The following DMD variants were observed in gnomAD, a reference collection of about 807,000 sequenced individuals.
DMD encodes the protein mutant dystrophin.
In DMD, 63 loss-of-function variants were observed where a neutral mutation model predicts 330.1. That is an observed-to-expected ratio of 0.19 (90% CI 0.16 to 0.24). DMD has a LOEUF of 0.24. Among genes scored for constraint, DMD ranks in the 10% least tolerant of loss-of-function variants. The pLI, the probability that DMD is intolerant of heterozygous loss-of-function variation, is 1.00. For synonymous variants in DMD, 1,223 were observed against 959.8 expected (o/e 1.27, Z -5.07); for missense variants, 3,344 against 2,684.1 (o/e 1.25, Z -5.43).
chrX:32,898,992 T>TA (rs1244656923), intron 2 of DMD, among the ~76,000 whole-genome samples: 2 of 111,570 alleles, frequency 1.8e-5, no homozygotes, highest in South Asian at 3.7e-4. Flanking sequence ...CATGCACACA[T>TA]AAAAAAAAGT....
intron 50 of DMD, among the ~76,000 whole-genome samples, chrX:31,796,874 T>G (rs1220842798): frequency 9.0e-6 from 1 of 110,704 alleles, no homozygotes; most frequent in Non-Finnish European, 1.9e-5. Flanking sequence ...GCACTTCCCC[T>G]CTCTCTCTTG....
chrX:31,712,416 C>T (rs1053484847), intron 52 of DMD, among the ~76,000 whole-genome samples: 1 of 111,857 alleles, frequency 8.9e-6, no homozygotes, highest in African/African-American at 3.2e-5. Flanking sequence ...CAGCCAGCCT[C>T]TTTGATAATC....
chrX:32,938,333 G>A (rs181218616), intron 2 of DMD, among the ~76,000 whole-genome samples: 5 of 111,807 alleles, frequency 4.5e-5, no homozygotes, highest in African/African-American at 1.6e-4. Flanking sequence ...AAAATAACCT[G>A]TGATAGTCCA....
intron 29 of DMD, among the ~76,000 whole-genome samples, chrX:32,430,219 T>C (rs1204468396): frequency 8.9e-6 from 1 of 111,901 alleles, no homozygotes; most frequent in Non-Finnish European, 1.9e-5. Context: ...ATCTCACCTC[T>C]AGCTGCTAAT....
chrX:32,536,798 A>G (rs192489087), intron 17 of DMD, among the ~76,000 whole-genome samples: 2 of 111,543 alleles, frequency 1.8e-5, no homozygotes, highest in Admixed American at 1.9e-4. Context: ...GTGAAGCTGG[A>G]GAGGTAGGCA....
intron 51 of DMD, among the ~76,000 whole-genome samples, chrX:31,760,833 G>T (rs1226421181): frequency 1.8e-5 from 2 of 108,347 alleles, no homozygotes; most frequent in Non-Finnish European, 3.8e-5. Context: ...GGTAAAAAAA[G>T]ATTTACTCTC....
intron 55 of DMD, among the ~76,000 whole-genome samples, chrX:31,626,409 T>C (rs933030713): frequency 8.9e-6 from 1 of 112,169 alleles, no homozygotes; most frequent in Non-Finnish European, 1.9e-5. Context: ...TGTCTAACCA[T>C]ACATCGAAGA....
chrX:32,317,524 G>A (rs991323019), intron 41 of DMD, among the ~76,000 whole-genome samples: 1 of 111,086 alleles, frequency 9.0e-6, no homozygotes, highest in Non-Finnish European at 1.9e-5. Flanking sequence ...GGCCATAACT[G>A]CAAAGGATAA....
chrX:32,846,949 G>T (rs147032433), intron 3 of DMD, among the ~76,000 whole-genome samples: 3,007 of 109,533 alleles, frequency 0.027, 117 homozygotes, highest in African/African-American at 0.095. Flanking sequence ...AGAGGTTGCA[G>T]TGAGCCAAGA....
At chrX:31,271,685 C>G (rs1412179244) in intron 62 of DMD, among the ~76,000 whole-genome samples, 1 of 111,544 alleles carries the variant, frequency 9.0e-6, no homozygotes, top group Non-Finnish European at 1.9e-5. Context: ...ATAGGTATCA[C>G]TTCAATTAAC....
chrX:32,499,869 A>G (rs774135414), intron 19 of DMD, among the ~76,000 whole-genome samples: 1 of 111,497 alleles, frequency 9.0e-6, no homozygotes, highest in African/African-American at 3.2e-5. Flanking sequence ...ATCACAGAAA[A>G]TAAATATTAT....
intron 62 of DMD, among the ~76,000 whole-genome samples, chrX:31,317,228 A>G (rs750814490): frequency 1.8e-5 from 2 of 112,023 alleles, no homozygotes; most frequent in Non-Finnish European, 3.8e-5. Flanking sequence ...AAGTATTAAT[A>G]GCTAGGTGAC....
intron 60 of DMD, among the ~76,000 whole-genome samples, chrX:31,377,577 C>T (rs2059942666): frequency 8.9e-6 from 1 of 112,159 alleles, no homozygotes; most frequent in African/African-American, 3.2e-5. Context: ...GTTAGGATTA[C>T]CAGGTCTGCA....
At chrX:32,495,639 T>C (rs1305821372) in intron 19 of DMD, among the ~76,000 whole-genome samples, 2 of 112,003 alleles carry the variant, frequency 1.8e-5, no homozygotes, top group Admixed American at 9.5e-5. Context: ...AGAAAGTCCA[T>C]TAAAACCTTT....
At chrX:31,511,308 C>T (rs2071533660) in intron 55 of DMD, among the ~76,000 whole-genome samples, 2 of 87,121 alleles carry the variant, frequency 2.3e-5, no homozygotes, top group Admixed American at 1.3e-4. Flanking sequence ...CTAAACTCAT[C>T]ATTTTTTATT....
chrX:32,448,327 T>C (rs2098314003), intron 27 of DMD, 129 bp downstream of exon 27: 1 of 711,358 alleles, frequency 1.4e-6, no homozygotes, highest in Admixed American at 2.5e-5. Flanking sequence ...GTCATACAAC[T>C]TATAAGTGCC....
At chrX:31,489,211 G>T (rs186246818) in intron 57 of DMD, among the ~76,000 whole-genome samples, 1 of 112,050 alleles carries the variant, frequency 8.9e-6, no homozygotes, top group African/African-American at 3.2e-5. Flanking sequence ...CACAATCTTG[G>T]TTCACTTCAA....
At chrX:32,886,113 T>G (rs372984396) in intron 2 of DMD, among the ~76,000 whole-genome samples, 69 of 111,422 alleles carry the variant, frequency 6.2e-4, no homozygotes, top group African/African-American at 2.1e-3. Context: ...TTTCCTGGAA[T>G]ATAAAATCAT....
At chrX:32,743,489 C>A (rs1489106998) in intron 7 of DMD, among the ~76,000 whole-genome samples, 1 of 111,069 alleles carries the variant, frequency 9.0e-6, no homozygotes, top group African/African-American at 3.3e-5. Flanking sequence ...ACATCGATAT[C>A]TGAGCCAAAA....
Sources: allele counts gnomAD v4.1 joint callset (sites outside exome capture counted in the v4.1 genomes callset), GRCh38; gene constraint gnomAD v4.1.1; transcripts MANE v1.5; gene names NCBI Gene and HGNC (gene_info 2026-07-23, HGNC 2026-07-21).